SYNE1: variants seen among roughly 807,000 people sequenced by gnomAD.
SYNE1 encodes the protein nesprin-1.
SYNE1 carries 616 observed loss-of-function variants against 1,111.0 expected under a neutral mutation model. The observed-to-expected ratio is 0.55, with a 90% CI of 0.52 to 0.59. The LOEUF is 0.59. Ranked by LOEUF, SYNE1 falls within the 20% of genes least tolerant of loss-of-function variation. The probability of loss-of-function intolerance (pLI) is 0.00; values close to 1 mark genes in which losing one functional copy is unlikely to be tolerated. For synonymous variants in SYNE1, 3,855 were observed against 3,825.8 expected, an observed-to-expected ratio of 1.01 and a Z score of -0.28; for missense variants, 10,006 against 10,417.0, an observed-to-expected ratio of 0.96 and a Z score of 1.72.
chr6:152,156,114 C>A lies in SYNE1; in HGVS notation c.23791-17G>T. The A allele has an allele frequency of 6.2e-7, 1 of 1,614,046 alleles. No homozygotes were observed. The highest frequency in any genetic ancestry group is 8.5e-7 in the Non-Finnish European group (1 of 1,179,954). ...CTGAAGCTCCTGCAGGGGAACGTAA[C>A]AGGCTTTATTCAACAATTACATGTA... is the stretch of plus-strand genomic sequence containing the variant. On this transcript the variant is annotated splice_polypyrimidine_tract_variant and intron_variant, in intron 131 of 145. Coordinates refer to ENST00000367255, the MANE Select transcript of SYNE1 (RefSeq NM_182961.4).
intron 116 of SYNE1, among the ~76,000 whole-genome samples, chr6:152,224,950 T>TATATAC (rs1390278933): frequency 1.4e-5 from 2 of 146,538 alleles, no homozygotes; most frequent in African/African-American, 5.0e-5. Context: ...TGTATACACA[T>TATATAC]ATATATGTGT....
chr6:152,287,289 G>GTT (rs1326279196), intron 95 of SYNE1, among the ~76,000 whole-genome samples: 1 of 151,574 alleles, frequency 6.6e-6, no homozygotes, highest in African/African-American at 2.4e-5. Context: ...TTCACCCATT[G>GTT]TTTTGCAGTG....
rs746973605 is a variant in SYNE1, at chr6:152,399,601, C to T, written c.7237+15G>A. 2 of 1,613,804 alleles carry T rather than the reference C, an allele frequency of 1.2e-6. No individual in the cohort carries two copies. Among genetic ancestry groups the T allele is most frequent in the Non-Finnish European group, 1.7e-6 (2 of 1,179,854 alleles). ...CGGAAACAAACTACTCATGCTAAGG[C>T]CCCTCAGAACTCACCACTGAAGTGT... On this transcript the variant is annotated intron_variant, in intron 48 of 145. Coordinates refer to ENST00000367255, the MANE Select transcript of SYNE1 (RefSeq NM_182961.4).
intron 11 of SYNE1, among the ~76,000 whole-genome samples, chr6:152,490,483 T>G (rs1430180290): frequency 6.6e-6 from 1 of 152,186 alleles, no homozygotes; most frequent in Non-Finnish European, 1.5e-5. Flanking sequence ...CCATCCTAAC[T>G]GATCAATTGA....
At chr6:152,523,068 T>G (rs1336536596) in intron 5 of SYNE1, among the ~76,000 whole-genome samples, 5 of 152,056 alleles carry the variant, frequency 3.3e-5, no homozygotes, top group African/African-American at 1.2e-4. Flanking sequence ...TAGGTCCATT[T>G]ATCTATTTCT....
intron 91 of SYNE1, 108 bp from the exon 92 acceptor site, chr6:152,302,171 C>A: frequency 1.3e-6 from 2 of 1,491,000 alleles, no homozygotes; most frequent in East Asian, 2.3e-5. Context: ...CAGAGCCGCG[C>A]GGGCCCGGGA....
At chr6:152,605,064 GGGAGGGAGGAAA>G (rs1425320903) in intron 3 of SYNE1, among the ~76,000 whole-genome samples, 3 of 67,310 alleles carry the variant, frequency 4.5e-5, no homozygotes, top group Admixed American at 1.4e-4. Flanking sequence ...GAGGGAGGGA[GGGAGGGAGGAAA>G]GAAGGAAGGA....
chr6:152,369,359 T>A, intron 60 of SYNE1, 112 bp downstream of exon 60: 3 of 1,517,244 alleles, frequency 2.0e-6, no homozygotes, highest in Non-Finnish European at 1.8e-6. Flanking sequence ...AAACACACTA[T>A]GTCTCACGGC....
At chr6:152,372,259 A>T (rs1459754015) in intron 59 of SYNE1, among the ~76,000 whole-genome samples, 1 of 152,234 alleles carries the variant, frequency 6.6e-6, no homozygotes, top group Non-Finnish European at 1.5e-5. Context: ...ACGAAAAAAC[A>T]GTCACCATTA....
At chr6:152,273,756 G>C (rs981661070) in intron 98 of SYNE1, among the ~76,000 whole-genome samples, 7 of 152,230 alleles carry the variant, frequency 4.6e-5, no homozygotes, top group Admixed American at 2.0e-4. Flanking sequence ...ATAATAGCTA[G>C]AGCTTAGTAA....
chr6:152,359,217 C>T, intron 65 of SYNE1, 98 bp downstream of exon 65: 1 of 1,550,520 alleles, frequency 6.4e-7, no homozygotes, highest in Non-Finnish European at 8.9e-7. Flanking sequence ...TTCTGTTTTC[C>T]CAAGCCTGTC....
At chr6:152,168,276 C>G (rs1300012054) in intron 130 of SYNE1, 2 of 640,180 alleles carry the variant, frequency 3.1e-6, no homozygotes, top group Admixed American at 2.5e-5. Context: ...GAAAGTTTCC[C>G]CTTGTCTGTG....
At chr6:152,566,885 T>A (rs2099415293) in intron 3 of SYNE1, among the ~76,000 whole-genome samples, 2 of 152,276 alleles carry the variant, frequency 1.3e-5, no homozygotes, top group South Asian at 4.1e-4. Context: ...AACATTAACT[T>A]GTTATTGTAT....
chr6:152,559,044 G>A (rs2099385608), intron 3 of SYNE1, among the ~76,000 whole-genome samples: 1 of 150,454 alleles, frequency 6.6e-6, no homozygotes, highest in Non-Finnish European at 1.5e-5. Context: ...GGTCGCATCT[G>A]TTGCCTGGGC....
rs2096324034 is a variant in SYNE1 at position 152,334,259 on chromosome 6, T to C, written c.12543A>G (p.Lys4181=). The change falls in exon 77 of 146, where the codon AAA becomes AAG. Residue 4181 remains lysine, a synonymous_variant. Transcript: ENST00000367255. ...TCACGGATGCCTGTTTGCTCTGTAG[T>C]TTCTTAACAAAATCCTAAAGGATAA... The part of the protein sequence containing the change: ...MVSQVKDFVK[K]LQSKQASVNT... 22 of 1,613,800 alleles carry C rather than the reference T, an allele frequency of 1.4e-5. No homozygotes were observed. Among genetic ancestry groups the C allele is most frequent in the Non-Finnish European group, 1.9e-5 (22 of 1,180,018 alleles).
rs548236436 is a variant in SYNE1, at chr6:152,143,995, A to G, written c.24977-230T>C. On this transcript the variant is annotated intron_variant, in intron 137 of 145. Transcript: ENST00000367255. ...GCCCTAGCAGATCGGACGTCGCAAAACGGCTCTCCAGTCCGTTTTGAACAG... is the reference window on the plus strand; with the variant it reads ...GCCCTAGCAGATCGGACGTCGCAAAGCGGCTCTCCAGTCCGTTTTGAACAG... The G allele has an allele frequency of 1.6e-4, 89 of 558,014 alleles. No individual in the cohort carries two copies. The African/African-American group carries it at 1.6e-3, about 10-fold the overall frequency. 34.6% of individuals were successfully genotyped at this position (558,014 alleles called of 1,614,324 possible).
In SYNE1 at chr6:152,201,962, T is replaced by G; in HGVS notation, c.23020-13A>C. ...ATTTTTCCCAGTCCTATCATGGGAATAAAAACAAATAGCATAGATGTTTTT... is the reference window on the plus strand; with the variant it reads ...ATTTTTCCCAGTCCTATCATGGGAAGAAAAACAAATAGCATAGATGTTTTT... On this transcript the variant is annotated splice_polypyrimidine_tract_variant and intron_variant, in intron 126 of 145. Transcript: ENST00000367255. 6.2e-7 allele frequency: 1 copy of G among 1,613,612 alleles called. No homozygotes were observed. Among genetic ancestry groups the G allele is most frequent in the Non-Finnish European group, 8.5e-7 (1 of 1,179,796 alleles).
intron 101 of SYNE1, 39 bp downstream of exon 101, chr6:152,261,993 T>G (rs2092065363): frequency 2.0e-6 from 3 of 1,525,208 alleles, no homozygotes; most frequent in Non-Finnish European, 2.7e-6. Flanking sequence ...ACTCTACATC[T>G]TTTATATTAG....
intron 102 of SYNE1, among the ~76,000 whole-genome samples, chr6:152,256,102 T>A (rs2090750729): frequency 1.4e-5 from 2 of 143,602 alleles, no homozygotes; most frequent in Non-Finnish European, 3.1e-5. Flanking sequence ...CTGAAAAAAA[T>A]AAAATAAAAT....
Sources: gnomAD v4.1 joint callset for allele counts (sites outside exome capture counted in the v4.1 genomes callset) on GRCh38, gnomAD v4.1.1 for gene constraint, MANE v1.5 for transcripts, NCBI Gene and HGNC (gene_info 2026-07-23, HGNC 2026-07-21) for gene names.